ACAP2: variants seen among roughly 807,000 people sequenced by gnomAD.
ACAP2 encodes arf-GAP with coiled-coil, ANK repeat and PH domain-containing protein 2.
ACAP2 carries 39 observed loss-of-function variants against 115.8 expected under a neutral mutation model. That is an observed-to-expected ratio of 0.34 (90% CI 0.26 to 0.44). The LOEUF (loss-of-function observed/expected upper bound fraction) is 0.44. ACAP2 is among the 20% of genes least tolerant of loss of function. The probability of loss-of-function intolerance (pLI) is 1.00; values close to 1 mark genes in which losing one functional copy is unlikely to be tolerated. For synonymous variants in ACAP2, 289 were observed against 315.8 expected (o/e 0.92, Z 0.90); for missense variants, 662 against 927.6 (o/e 0.71, Z 3.72).
chr3:195,323,037 T>A (rs1310108656), intron 9 of ACAP2, among the ~76,000 whole-genome samples: 1 of 152,126 alleles, frequency 6.6e-6, no homozygotes, highest in Non-Finnish European at 1.5e-5. Flanking sequence ...AAACTGGAAT[T>A]CAAAGAGGTA....
At position 195,367,801 on chromosome 3, in the gene ACAP2, AAAG is replaced by A. The variant is rs1316174376; in HGVS notation, c.285+13205_285+13207del. On this transcript the variant is annotated intron_variant, in intron 4 of 22. Coordinates refer to ENST00000326793, the MANE Select transcript of ACAP2 (RefSeq NM_012287.6). ...AGAAGATGAGAGACTCCAAAGGGTG[AAAG>A]AAGCTCAGCCAACACCAGTCATTCC... is the stretch of plus-strand genomic sequence containing the variant. 1.6e-4 allele frequency among the ~76,000 whole-genome samples: 25 copies of A among 152,312 alleles called. No homozygotes were observed. In the East Asian group the frequency reaches 3.3e-3, roughly 20 times the overall value.
chr3:195,300,008 G>T (rs1294189256), intron 15 of ACAP2, among the ~76,000 whole-genome samples: 1 of 149,684 alleles, frequency 6.7e-6, no homozygotes, highest in Non-Finnish European at 1.5e-5. Context: ...ATGGGAATTA[G>T]TATCTACTTT....
chr3:195,437,072 G>A (rs1384626122), intron 1 of ACAP2, among the ~76,000 whole-genome samples: 2 of 152,114 alleles, frequency 1.3e-5, no homozygotes, highest in Non-Finnish European at 2.9e-5. Flanking sequence ...TAAAGAGACA[G>A]GGTCTTGCTC....
chr3:195,342,663 AG>A lies in ACAP2; in HGVS notation c.345-10del. On this transcript the variant is annotated splice_polypyrimidine_tract_variant and intron_variant, in intron 5 of 22. Transcript: ENST00000326793. ...TGAATTTTCTAAGATCTCTAAGAAA[AG>A]AAAAACTTAGTGAAACTTTTATAAC... The A allele has an allele frequency of 6.3e-7, 1 of 1,577,272 alleles. No individual in the cohort carries two copies. Among genetic ancestry groups the A allele is most frequent in the Non-Finnish European group, 8.6e-7 (1 of 1,168,640 alleles).
At position 195,337,637 on chromosome 3, in the gene ACAP2, G is replaced by A. The variant is rs570424599; in HGVS notation, c.529-661C>T. Among the ~76,000 whole-genome samples the A allele has an allele frequency of 7.2e-5, 11 of 152,098 alleles. 1 individual carries two copies. The South Asian group carries it at 1.7e-3, about 23-fold the overall frequency. ...CTAATTTTTTCTATTTAGTAGAGAC[G>A]GGGTTTCTCCATGTTGGTCGGGCTG... On this transcript the variant is annotated intron_variant, in intron 6 of 22. Coordinates refer to ENST00000326793, the MANE Select transcript of ACAP2 (RefSeq NM_012287.6).
chr3:195,376,789 T>G (rs1047646702), intron 4 of ACAP2, among the ~76,000 whole-genome samples: 20 of 152,222 alleles, frequency 1.3e-4, no homozygotes, highest in Admixed American at 5.9e-4. Context: ...ACAAAGTTGG[T>G]AAATGACACC....
chr3:195,424,276 T>TAC (rs1714460265), intron 1 of ACAP2, among the ~76,000 whole-genome samples: 2 of 55,636 alleles, frequency 3.6e-5, no homozygotes, highest in African/African-American at 1.3e-4. Context: ...TATATATATA[T>TAC]ATATATATTT....
At chr3:195,393,598 C>T (rs1053482637) in intron 1 of ACAP2, among the ~76,000 whole-genome samples, 10 of 152,168 alleles carry the variant, frequency 6.6e-5, no homozygotes, top group Non-Finnish European at 1.5e-4. Flanking sequence ...GCTTCAGCAA[C>T]GTTTTTCAAA....
Position 195,277,286 on chromosome 3 carries a change from A to T in ACAP2, c.*2042T>A, listed in dbSNP as rs1726217517. 6.6e-6 allele frequency: 1 copy of T among 152,232 alleles called. No homozygotes were observed. The highest frequency in any genetic ancestry group is 2.1e-4 in the South Asian group (1 of 4,830). The allele number at this position is 152,232 out of a possible 1,614,324, so 9.4% of individuals were successfully genotyped here. A position where few individuals can be genotyped will look rare whatever the true frequency, so the allele number is the denominator to read the frequency against. On this transcript the variant is annotated 3_prime_UTR_variant, in exon 23 of 23. Transcript: ENST00000326793. ...TTGAGCTTCTTGGTCAAATAATTTCAAGGTACATGCTAATAAAAACTACAA... is the reference window on the plus strand; with the variant it reads ...TTGAGCTTCTTGGTCAAATAATTTCTAGGTACATGCTAATAAAAACTACAA...
At chr3:195,400,122 G>A (rs918710924) in intron 1 of ACAP2, among the ~76,000 whole-genome samples, 3 of 151,524 alleles carry the variant, frequency 2.0e-5, no homozygotes, top group Non-Finnish European at 4.4e-5. Context: ...AGGTTGTGGT[G>A]AGCCAAGATC....
At chr3:195,439,377 C>G (rs1190606543) in intron 1 of ACAP2, among the ~76,000 whole-genome samples, 1 of 152,002 alleles carries the variant, frequency 6.6e-6, no homozygotes, top group Admixed American at 6.6e-5. Flanking sequence ...CGGTGTCTCA[C>G]TTTGTTGCCC....
At chr3:195,404,800 TTC>T (rs1180621802) in intron 1 of ACAP2, among the ~76,000 whole-genome samples, 1 of 147,924 alleles carries the variant, frequency 6.8e-6, no homozygotes, top group South Asian at 2.1e-4. Flanking sequence ...ATATAATTTT[TTC>T]TTTTTTTTTT....
chr3:195,349,562 A>G (rs1731406053), intron 4 of ACAP2: 1 of 154,034 alleles, frequency 6.5e-6, no homozygotes, highest in African/African-American at 2.4e-5. Context: ...AATATGCAAG[A>G]CTTGCACAGT....
chr3:195,402,805 TTTAAAAAACACC>T (rs1176101303), intron 1 of ACAP2, among the ~76,000 whole-genome samples: 1 of 152,214 alleles, frequency 6.6e-6, no homozygotes, highest in Non-Finnish European at 1.5e-5. Context: ...AAATTTGTTT[TTTAAAAAACACC>T]ATTCCTAGAA....
At chr3:195,295,615 A>T in intron 17 of ACAP2, 93 bp downstream of exon 17, 4 of 1,363,402 alleles carry the variant, frequency 2.9e-6, no homozygotes, top group Non-Finnish European at 3.0e-6. Flanking sequence ...TTTTAACATT[A>T]AAAAAAACGA....
At chr3:195,326,755 A>G in intron 9 of ACAP2, 130 bp downstream of exon 9, 1 of 731,524 alleles carries the variant, frequency 1.4e-6, no homozygotes, top group East Asian at 2.8e-5. Flanking sequence ...CAAAAACAAA[A>G]GAGGAATTTA....
chr3:195,408,981 G>A (rs531122852), intron 1 of ACAP2, among the ~76,000 whole-genome samples: 73 of 151,966 alleles, frequency 4.8e-4, no homozygotes, highest in Non-Finnish European at 7.2e-4. Flanking sequence ...AAAAACCACA[G>A]TGAACATCAT....
chr3:195,298,072 G>C (rs1432221767), intron 15 of ACAP2, among the ~76,000 whole-genome samples: 1 of 152,136 alleles, frequency 6.6e-6, no homozygotes. Flanking sequence ...TACACATTAA[G>C]ATAACATTAC....
At chr3:195,420,809 A>AT (rs1714131466) in intron 1 of ACAP2, among the ~76,000 whole-genome samples, 1 of 151,756 alleles carries the variant, frequency 6.6e-6, no homozygotes, top group South Asian at 2.1e-4. Flanking sequence ...TGCCCAGCTA[A>AT]TTTTTTGTAT....
Sources: allele counts gnomAD v4.1 joint callset (sites outside exome capture counted in the v4.1 genomes callset), GRCh38; gene constraint gnomAD v4.1.1; transcripts MANE v1.5; gene names NCBI Gene and HGNC (gene_info 2026-07-23, HGNC 2026-07-21).